Variants in FRMPD4 observed in about 807,000 individuals in gnomAD.
FRMPD4 encodes the protein FERM and PDZ domain containing 4.
In FRMPD4, 22 loss-of-function variants were observed where a neutral mutation model predicts 94.1. The ratio of observed to expected loss-of-function variants is 0.23; its 90% CI spans 0.17 to 0.33. The LOEUF (loss-of-function observed/expected upper bound fraction) is 0.33. FRMPD4 is among the 10% of genes least tolerant of loss of function. The pLI, the probability that FRMPD4 is intolerant of heterozygous loss-of-function variation, is 1.00. For synonymous variants in FRMPD4, 631 were observed against 548.6 expected, an observed-to-expected ratio of 1.15 and a Z score of -2.10; for missense variants, 1,111 against 1,339.9, an observed-to-expected ratio of 0.83 and a Z score of 2.67.
At chrX:12,124,615 A>C (rs4830758) in intron 3 of FRMPD4, among the ~76,000 whole-genome samples, 15,427 of 112,267 alleles carry the variant, frequency 0.14, 1,533 homozygotes, top group East Asian at 0.6. Context: ...AAATCACAAG[A>C]GCAAACTAAA....
chrX:12,280,101 G>GCA (rs776702319), intron 1 of FRMPD4, among the ~76,000 whole-genome samples: 6 of 109,429 alleles, frequency 5.5e-5, no homozygotes, highest in African/African-American at 1.3e-4. Flanking sequence ...GTGTATACAT[G>GCA]CACACACACA....
intron 1 of FRMPD4, among the ~76,000 whole-genome samples, chrX:12,249,859 C>G (rs957388207): frequency 9.0e-6 from 1 of 111,444 alleles, no homozygotes; most frequent in Non-Finnish European, 1.9e-5. Context: ...AAAATCCCAA[C>G]CTAGTCTGGT....
intron 1 of FRMPD4, among the ~76,000 whole-genome samples, chrX:12,148,734 ACT>A (rs759185383): frequency 1.8e-5 from 2 of 111,542 alleles, no homozygotes; most frequent in Non-Finnish European, 3.8e-5. Context: ...GGACAGGCTG[ACT>A]CTCTTTTTTG....
intron 3 of FRMPD4, among the ~76,000 whole-genome samples, chrX:12,060,738 G>T (rs563181849): frequency 5.4e-5 from 6 of 110,990 alleles, no homozygotes; most frequent in African/African-American, 2.0e-4. Context: ...TTTTAAAATT[G>T]TATGCCTTGT....
chrX:12,541,910 T>C (rs1328057735), intron 2 of FRMPD4, among the ~76,000 whole-genome samples: 1 of 112,005 alleles, frequency 8.9e-6, no homozygotes, highest in Non-Finnish European at 1.9e-5. Context: ...GGGGACTTCA[T>C]CCCTGAGATG....
chrX:12,636,345 G>T (rs1418585294), intron 4 of FRMPD4, among the ~76,000 whole-genome samples: 1 of 110,768 alleles, frequency 9.0e-6, no homozygotes. Flanking sequence ...CCTGGATTTT[G>T]CTGATTGCAT....
chrX:11,888,140 A>G (rs1376573838), intron 3 of FRMPD4, among the ~76,000 whole-genome samples: 1 of 112,179 alleles, frequency 8.9e-6, no homozygotes, highest in African/African-American at 3.2e-5. Flanking sequence ...TCACATTATC[A>G]ATAGCAATTA....
intron 4 of FRMPD4, among the ~76,000 whole-genome samples, chrX:12,641,651 G>T (rs764368365): frequency 8.9e-6 from 1 of 112,312 alleles, no homozygotes; most frequent in Non-Finnish European, 1.9e-5. Flanking sequence ...CCACCTATAC[G>T]TAAGTCCAGT....
At position 12,332,757 on chromosome X, in the gene FRMPD4, C is replaced by T. The variant is rs563307447; in HGVS notation, c.42-165923C>T. ...ATAGAATTTTTAAATCACTTAGCAA[C>T]GTAATTTAACGTTTTTAAAGTAAAA... is the stretch of plus-strand genomic sequence containing the variant. On this transcript the variant is annotated intron_variant, in intron 1 of 16. Coordinates refer to ENST00000675598, the MANE Select transcript of FRMPD4 (RefSeq NM_001368397.1). 1.8e-4 allele frequency among the ~76,000 whole-genome samples: 20 copies of T among 111,495 alleles called. No individual in the cohort carries two copies. In the East Asian group the frequency reaches 3.1e-3, roughly 17 times the overall value.
chrX:12,269,857 T>A (rs756425960), intron 1 of FRMPD4, among the ~76,000 whole-genome samples: 1 of 112,272 alleles, frequency 8.9e-6, no homozygotes, highest in African/African-American at 3.2e-5. Context: ...TTCTCCAACT[T>A]TGTGCCATTG....
intron 1 of FRMPD4, among the ~76,000 whole-genome samples, chrX:12,166,063 C>G (rs2056111694): frequency 9.0e-6 from 1 of 111,692 alleles, no homozygotes; most frequent in East Asian, 2.8e-4. Flanking sequence ...GCCTAATTGC[C>G]CTGGCCAGTA....
chrX:12,296,854 G>A (rs986464679), intron 1 of FRMPD4, among the ~76,000 whole-genome samples: 3 of 112,194 alleles, frequency 2.7e-5, no homozygotes, highest in Non-Finnish European at 5.6e-5. Context: ...GACATATATA[G>A]CTGGGCACAC....
chrX:12,704,597 C>A (rs2041843405), intron 11 of FRMPD4, 112 bp downstream of exon 11: 2 of 497,107 alleles, frequency 4.0e-6, no homozygotes, highest in Admixed American at 7.9e-5. Context: ...TTTTCAGAAG[C>A]AGTAACACTG....
At chrX:12,375,374 G>A (rs1452284257) in intron 1 of FRMPD4, among the ~76,000 whole-genome samples, 1 of 112,388 alleles carries the variant, frequency 8.9e-6, no homozygotes, top group Admixed American at 9.4e-5. Context: ...AGCCAGGCTT[G>A]TGGGTCACCA....
intron 1 of FRMPD4, among the ~76,000 whole-genome samples, chrX:12,330,037 C>T (rs990580384): frequency 1.8e-5 from 2 of 111,002 alleles, no homozygotes; most frequent in Admixed American, 9.7e-5. Flanking sequence ...GATAATTATA[C>T]ACCTTTTTAC....
chrX:12,320,953 T>A (rs1475356115), intron 1 of FRMPD4, among the ~76,000 whole-genome samples: 3 of 112,273 alleles, frequency 2.7e-5, no homozygotes, highest in Non-Finnish European at 5.6e-5. Flanking sequence ...AGATTTAATA[T>A]TCATGACACT....
At chrX:12,082,911 G>C (rs1454758541) in intron 3 of FRMPD4, among the ~76,000 whole-genome samples, 1 of 112,297 alleles carries the variant, frequency 8.9e-6, no homozygotes, top group East Asian at 2.8e-4. Context: ...CATTCAAAAG[G>C]TAACTTGGGT....
At chrX:12,532,991 T>C (rs1482733918) in intron 2 of FRMPD4, among the ~76,000 whole-genome samples, 1 of 112,503 alleles carries the variant, frequency 8.9e-6, no homozygotes. Flanking sequence ...TTTATGCATT[T>C]ACAAACGTTG....
intron 4 of FRMPD4, among the ~76,000 whole-genome samples, chrX:12,629,746 C>T: frequency 8.9e-6 from 1 of 111,976 alleles, no homozygotes; most frequent in Non-Finnish European, 1.9e-5. Context: ...AGAATTTGTA[C>T]TTCCAAGCCT....
Sources: allele counts gnomAD v4.1 joint callset (sites outside exome capture counted in the v4.1 genomes callset), GRCh38; gene constraint gnomAD v4.1.1; transcripts MANE v1.5; gene names NCBI Gene and HGNC (gene_info 2026-07-23, HGNC 2026-07-21).